LRRD1: variants seen among roughly 807,000 people sequenced by gnomAD.
LRRD1 encodes the protein leucine-rich repeat and death domain-containing protein 1.
Under a neutral mutation model 69.5 loss-of-function variants are expected in LRRD1, and 49 were observed. That is an observed-to-expected ratio of 0.70 (90% CI 0.56 to 0.89). The LOEUF is 0.89. LRRD1 is among the 40% of genes least tolerant of loss of function. The pLI is 0.00. For synonymous variants in LRRD1, 303 were observed against 338.9 expected (o/e 0.89, Z 1.16); for missense variants, 853 against 956.0 (o/e 0.89, Z 1.42).
At chr7:92,174,729 A>G (rs1425808131) in intron 1 of LRRD1, among the ~76,000 whole-genome samples, 1 of 150,996 alleles carries the variant, frequency 6.6e-6, no homozygotes, top group Non-Finnish European at 1.5e-5. Flanking sequence ...TCCTAAAAAA[A>G]TATTTAATAA....
chr7:92,170,936 G>T (rs1427325514), intron 1 of LRRD1, among the ~76,000 whole-genome samples: 1 of 152,158 alleles, frequency 6.6e-6, no homozygotes, highest in Non-Finnish European at 1.5e-5. Context: ...TAAACAACAT[G>T]CTCATGAATG....
At chr7:92,177,882 G>A (rs1469237990) in intron 1 of LRRD1, among the ~76,000 whole-genome samples, 1 of 152,144 alleles carries the variant, frequency 6.6e-6, no homozygotes. Flanking sequence ...GCACAGATAT[G>A]CAATGAAATT....
At position 92,174,789 on chromosome 7, in the gene LRRD1, T is replaced by C. The variant is rs535437736; in HGVS notation, c.-75+4218A>G. 3.3e-5 allele frequency among the ~76,000 whole-genome samples: 5 copies of C among 151,920 alleles called. No individual in the cohort carries two copies. The East Asian group carries it at 9.7e-4, about 29-fold the overall frequency. On this transcript the variant is annotated intron_variant, in intron 1 of 5. Transcript: ENST00000458448. The stretch of plus-strand genomic sequence containing the variant: ...AGATAATCTATGTCCAGGCTGGGCG[T>C]GGTGGCTCACACCTGTAATCCCAGC...
At chr7:92,174,482 TATATATATATATATATATATATATATA>T (rs1789123952) in intron 1 of LRRD1, among the ~76,000 whole-genome samples, 1 of 14,362 alleles carries the variant, frequency 7.0e-5, no homozygotes, top group Non-Finnish European at 1.7e-4. Context: ...TATATATATA[TATATATATATATATATATATATATATA>T]TTTTTTTTTT....
chr7:92,176,085 G>T (rs1457814592), intron 1 of LRRD1, among the ~76,000 whole-genome samples: 1 of 152,072 alleles, frequency 6.6e-6, no homozygotes, highest in Non-Finnish European at 1.5e-5. Flanking sequence ...TCTTTACATA[G>T]CCAGATCAAT....
chr7:92,169,710 T>C (rs182428117), intron 1 of LRRD1, among the ~76,000 whole-genome samples: 1 of 151,728 alleles, frequency 6.6e-6, no homozygotes, highest in East Asian at 1.9e-4. Flanking sequence ...CACTAGAGGC[T>C]CTCAACAGTA....
chr7:92,171,554 G>C (rs996656516), intron 1 of LRRD1, among the ~76,000 whole-genome samples: 1 of 152,032 alleles, frequency 6.6e-6, no homozygotes, highest in Non-Finnish European at 1.5e-5. Flanking sequence ...TCCAAGAAAA[G>C]TCCAGGCCTA....
rs181508313 is a variant in LRRD1, at chr7:92,176,242, G to T, written c.-75+2765C>A. On this transcript the variant is annotated intron_variant, in intron 1 of 5. Transcript: ENST00000458448. ...TAATAACATGGCATATTTCTTTTGC[G>T]ATGGAGAATAATATCTTTTTTTAGT... is the stretch of plus-strand genomic sequence containing the variant. 1.9e-3 allele frequency among the ~76,000 whole-genome samples: 291 copies of T among 152,246 alleles called. 3 individuals carry two copies. The highest frequency in any genetic ancestry group is 6.4e-3 in the African/African-American group (267 of 41,552).
chr7:92,172,909 A>G (rs1231080452), intron 1 of LRRD1, among the ~76,000 whole-genome samples: 1 of 152,204 alleles, frequency 6.6e-6, no homozygotes, highest in African/African-American at 2.4e-5. Flanking sequence ...CATAAAGACC[A>G]AAGCTGGAGG....
intron 1 of LRRD1, among the ~76,000 whole-genome samples, chr7:92,174,469 G>T (rs2131025418): frequency 1.8e-5 from 1 of 55,538 alleles, no homozygotes; most frequent in African/African-American, 7.6e-5. Flanking sequence ...GTATCAATTA[G>T]AATATATATA....
At chr7:92,146,058 A>G in intron 5 of LRRD1, 25 bp downstream of exon 5, 1 of 1,209,210 alleles carries the variant, frequency 8.3e-7, no homozygotes, top group Admixed American at 2.8e-5. Context: ...ATAAATTTGT[A>G]CTAAATGCTG....
chr7:92,164,832 TCTC>T lies in LRRD1; in HGVS notation c.368_370del (p.Gly123del), dbSNP rs1221714506. ...TTCTTCAGAGACTTGTGGACTAACT[TCTC>T]CTACTGTTTCATGAGATAGGAAGTT... On this transcript the variant is annotated inframe_deletion, in exon 2 of 6. Coordinates refer to ENST00000458448, the MANE Select transcript of LRRD1 (RefSeq NM_001161528.2). 36 of 1,551,512 alleles carry T rather than the reference TCTC, an allele frequency of 2.3e-5. No individual in the cohort carries two copies. The highest frequency in any genetic ancestry group is 2.6e-5 in the Non-Finnish European group (30 of 1,146,938).
chr7:92,150,682 T>C lies in LRRD1; in HGVS notation c.2130A>G (p.Thr710=). The C allele has an allele frequency of 6.5e-7, 1 of 1,536,700 alleles. No individual in the cohort carries two copies. The highest frequency in any genetic ancestry group is 8.8e-7 in the Non-Finnish European group (1 of 1,138,940). The change falls in exon 4 of 6, where the codon ACA becomes ACG. Residue 710 remains threonine (T), a synonymous_variant. Transcript: ENST00000458448. ...TATTGTAGATAGCACTAGGTAGAGC[T>C]GTCAGATTATTTCCTAGTAGAAAAA... ...QQLNLSGNNL[T]ALPSAIYNIF...
chr7:92,164,557 A>C lies in LRRD1; in HGVS notation c.646T>G (p.Leu216Val), dbSNP rs764724723. ...EIQLLHNLRI[L>V]NVSHNHISHI... ...GATATGTGGTTATGACTGACATTTAATATCCTTAAATTATGAAGTAACTGA... is the reference window on the plus strand; with the variant it reads ...GATATGTGGTTATGACTGACATTTACTATCCTTAAATTATGAAGTAACTGA... Residue 216 changes from leucine (L) to valine (V), a missense_variant, in exon 2 of 6, where the codon TTA becomes GTA. Around this residue, in one of 3 missense-constraint regions of LRRD1, gnomAD observed 739 missense variants for 808.0 expected, o/e 0.91. Transcript: ENST00000458448. 3 of 1,550,908 alleles carry C rather than the reference A, an allele frequency of 1.9e-6. No individual in the cohort carries two copies. The highest frequency in any genetic ancestry group is 2.6e-6 in the Non-Finnish European group (3 of 1,146,346).
chr7:92,176,514 G>C (rs555488016), intron 1 of LRRD1, among the ~76,000 whole-genome samples: 12 of 150,628 alleles, frequency 8.0e-5, no homozygotes, highest in African/African-American at 2.9e-4. Flanking sequence ...AGCTATCTTT[G>C]TCTTGTTCCT....
intron 1 of LRRD1, among the ~76,000 whole-genome samples, chr7:92,167,248 AC>A (rs1788932614): frequency 6.6e-6 from 1 of 151,918 alleles, no homozygotes; most frequent in Non-Finnish European, 1.5e-5. Flanking sequence ...GGCGCACGCC[AC>A]CACACCCAGC....
At chr7:92,148,533 A>T (rs1011378209) in intron 4 of LRRD1, among the ~76,000 whole-genome samples, 4 of 152,132 alleles carry the variant, frequency 2.6e-5, no homozygotes, top group African/African-American at 9.7e-5. Flanking sequence ...AAAAGGCTCC[A>T]TTTGTTAATT....
At chr7:92,144,520 A>C (rs1820263239), downstream of LRRD1, among the ~76,000 whole-genome samples, 1 of 151,048 alleles carries the variant, frequency 6.6e-6, no homozygotes, top group African/African-American at 2.4e-5. Context: ...CCAGCTACTC[A>C]GGAGGCTGAG....
At chr7:92,168,576 C>T (rs1271074388) in intron 1 of LRRD1, among the ~76,000 whole-genome samples, 3 of 150,900 alleles carry the variant, frequency 2.0e-5, no homozygotes, top group South Asian at 2.1e-4. Flanking sequence ...ATCCAGAATG[C>T]GTACTTGACT....
Sources: gnomAD v4.1 joint callset for allele counts (sites outside exome capture counted in the v4.1 genomes callset) on GRCh38, gnomAD v4.1.1 for gene constraint, gnomAD v4.1.1 regional missense constraint, MANE v1.5 for transcripts, NCBI Gene and HGNC (gene_info 2026-07-23, HGNC 2026-07-21) for gene names.